The following NR2F2 variants were observed in gnomAD, a reference collection of about 807,000 sequenced individuals.
The protein encoded by NR2F2 is COUP transcription factor 2.
In NR2F2, 2 loss-of-function variants were observed where a neutral mutation model predicts 34.8. The observed-to-expected ratio is 0.06, with a 90% confidence interval of 0.02 to 0.18. The LOEUF is 0.18. NR2F2 is among the 10% of genes least tolerant of loss of function. The pLI, the probability that NR2F2 is intolerant of heterozygous loss-of-function variation, is 1.00. For missense variants in NR2F2, 300 were observed against 580.1 expected (o/e 0.52, Z 4.96); for synonymous variants, 274 against 251.8 (o/e 1.09, Z -0.84).
chr15:96,333,260 G>A, intron 1 of NR2F2: 1 of 846,304 alleles, frequency 1.2e-6, no homozygotes, highest in Non-Finnish European at 1.5e-6. Context: ...CCAATGGCGC[G>A]CTCGGCGCGG....
At position 96,331,269 on chromosome 15, in the gene NR2F2, G is replaced by T; in HGVS notation, c.-837G>T. 3 of 1,002,786 alleles carry T rather than the reference G, an allele frequency of 3.0e-6. No individual in the cohort carries two copies. Among genetic ancestry groups the T allele is most frequent in the Non-Finnish European group, 2.4e-6 (2 of 843,388 alleles). 62.1% of individuals were successfully genotyped at this position (1,002,786 alleles called of 1,614,324 possible). A position where few individuals can be genotyped will look rare whatever the true frequency, so the allele number is the denominator to read the frequency against. Reference sequence around the variant, plus strand: ...GCCGGAGAGAGCGAGGCGCGCGCCGGACGCCCGGGGCAGGCGGCGGCGGCG... The same window carrying T: ...GCCGGAGAGAGCGAGGCGCGCGCCGTACGCCCGGGGCAGGCGGCGGCGGCG... On this transcript the variant is annotated 5_prime_UTR_variant, in exon 1 of 3. Coordinates refer to ENST00000394166, the MANE Select transcript of NR2F2 (RefSeq NM_021005.4).
At position 96,332,131 on chromosome 15, in the gene NR2F2, G is replaced by C; in HGVS notation, c.26G>C (p.Arg9Pro). Residue 9 changes from arginine (R) to proline (P), a missense_variant, in exon 1 of 3, where the codon CGC becomes CCC. Transcript: ENST00000394166. ...ATGGCAATGGTAGTCAGCACGTGGC[G>C]CGACCCCCAGGACGAGGTGCCCGGC... The part of the protein sequence containing the change: MAMVVSTW[R>P]DPQDEVPGSQ... 7.4e-7 allele frequency: 1 copy of C among 1,357,452 alleles called. No individual in the cohort carries two copies. Among genetic ancestry groups the C allele is most frequent in the Non-Finnish European group, 9.5e-7 (1 of 1,054,860 alleles). The allele number at this position is 1,357,452 out of a possible 1,614,324, so 84.1% of individuals were successfully genotyped here.
chr15:96,332,575 C>G, intron 1 of NR2F2, 28 bp downstream of exon 1: 1 of 1,598,892 alleles, frequency 6.3e-7, no homozygotes. Context: ...CTCCTTCCCT[C>G]GTCCTGGGTC....
intron 2 of NR2F2, among the ~76,000 whole-genome samples, chr15:96,335,131 G>A (rs1378177901): frequency 1.3e-5 from 2 of 152,214 alleles, no homozygotes; most frequent in African/African-American, 4.8e-5. Flanking sequence ...ATTCTTACTG[G>A]AATAATGCAG....
At chr15:96,330,649 CA>C (rs1322523594), upstream of NR2F2, 1 of 157,246 alleles carries the variant, frequency 6.4e-6, no homozygotes, top group Non-Finnish European at 1.4e-5. Flanking sequence ...CGCTAAGTTG[CA>C]GCAGTCGTGT....
At chr15:96,335,234 ACT>A (rs1374506078) in intron 2 of NR2F2, among the ~76,000 whole-genome samples, 1 of 152,148 alleles carries the variant, frequency 6.6e-6, no homozygotes, top group Non-Finnish European at 1.5e-5. Flanking sequence ...GAGGTTGAAG[ACT>A]CTGGCCTCTT....
In NR2F2 at chr15:96,332,445, A is replaced by T; in HGVS notation, c.340A>T (p.Thr114Ser). Residue 114 changes from threonine to serine, a missense_variant, in exon 1 of 3, where the codon ACG (threonine) becomes TCG (serine). Physicochemically the swap from Thr to Ser is moderately conservative, Grantham distance 58 (BLOSUM62 1). This residue lies in a region of NR2F2 where 15 missense variants were observed against 17.1 expected (regional missense o/e 0.88). Transcript: ENST00000394166. ...KRSVRRNLSY[T>S]CRANRNCPID... is the part of the protein sequence containing the mutation. ...CAGCGTGCGGAGGAACCTGAGCTAC[A>T]CGTGCCGCGCCAACCGGAACTGTCC... 6.2e-7 allele frequency: 1 copy of T among 1,614,170 alleles called. No individual in the cohort carries two copies. Among genetic ancestry groups the T allele is most frequent in the Non-Finnish European group, 8.5e-7 (1 of 1,180,026 alleles).
chr15:96,331,972 G>T lies in NR2F2; in HGVS notation c.-134G>T. Reference sequence around the variant, plus strand: ...AACCAGCCCCCGAGCCACCCGGGGCGCCCTCCCGCGCCCTCTTGCACCCTC... The same window carrying T: ...AACCAGCCCCCGAGCCACCCGGGGCTCCCTCCCGCGCCCTCTTGCACCCTC... On this transcript the variant is annotated 5_prime_UTR_variant, in exon 1 of 3. Transcript: ENST00000394166. 8.3e-7 allele frequency: 1 copy of T among 1,206,062 alleles called. No individual in the cohort carries two copies. Among genetic ancestry groups the T allele is most frequent in the African/African-American group, 1.6e-5 (1 of 63,226 alleles). The allele number at this position is 1,206,062 out of a possible 1,614,324, so 74.7% of individuals were successfully genotyped here.
chr15:96,331,190 G>C lies in NR2F2; in HGVS notation c.-916G>C. On this transcript the variant is annotated 5_prime_UTR_variant, in exon 1 of 3. Transcript: ENST00000394166. ...GGCTCCGGCGGCAGCGGCGGCCCGGGCGGCCCGCAGGGAACGGCGAGCGGC... is the reference window on the plus strand; with the variant it reads ...GGCTCCGGCGGCAGCGGCGGCCCGGCCGGCCCGCAGGGAACGGCGAGCGGC... 2 of 971,902 alleles carry C rather than the reference G, an allele frequency of 2.1e-6. No individual in the cohort carries two copies. Among genetic ancestry groups the C allele is most frequent in the African/African-American group, 3.5e-5 (2 of 56,426 alleles). The allele number at this position is 971,902 out of a possible 1,614,324, so 60.2% of individuals were successfully genotyped here.
chr15:96,335,792 C>T (rs1386840706), intron 2 of NR2F2, among the ~76,000 whole-genome samples: 1 of 152,208 alleles, frequency 6.6e-6, no homozygotes, highest in East Asian at 1.9e-4. Context: ...ATTAGCTGAA[C>T]AGCTTGCAGC....
At chr15:96,330,190 C>G (rs988153411), upstream of NR2F2, among the ~76,000 whole-genome samples, 1 of 152,282 alleles carries the variant, frequency 6.6e-6, no homozygotes, top group African/African-American at 2.4e-5. Context: ...CGCCAGGAGT[C>G]CCGGGTGGTG....
upstream of NR2F2, among the ~76,000 whole-genome samples, chr15:96,329,031 C>T (rs1391987392): frequency 4.6e-5 from 7 of 151,818 alleles, no homozygotes; most frequent in Non-Finnish European, 5.9e-5. Context: ...ATATCTTTAC[C>T]CTGTCAATTT....
In NR2F2 at chr15:96,331,090, C is replaced by T. The variant is rs1899126008; in HGVS notation, c.-1016C>T. 2 of 1,225,926 alleles carry T rather than the reference C, an allele frequency of 1.6e-6. No individual in the cohort carries two copies. Among genetic ancestry groups the T allele is most frequent in the Non-Finnish European group, 2.0e-6 (2 of 985,738 alleles). 75.9% of individuals were successfully genotyped at this position (1,225,926 alleles called of 1,614,324 possible). On this transcript the variant is annotated 5_prime_UTR_variant, in exon 1 of 3. Transcript: ENST00000394166. ...GCAGCGGCTCCGGCGGCGGCAGCAG[C>T]GGCAGCAGCGACTTCAGCGGCGGCG...
intron 1 of NR2F2, chr15:96,333,364 G>C: frequency 2.0e-6 from 2 of 1,001,912 alleles, no homozygotes; most frequent in Non-Finnish European, 2.4e-6. Flanking sequence ...TAACAGCCTG[G>C]GCCCGAGCCT....
chr15:96,332,336 C>T lies in NR2F2; in HGVS notation c.231C>T (p.Ile77=). 6.2e-7 allele frequency: 1 copy of T among 1,604,566 alleles called. No homozygotes were observed. The highest frequency in any genetic ancestry group is 1.1e-5 in the South Asian group (1 of 89,680). ...ACAAGCAGCAGCAGCAGCAACACAT[C>T]GAGTGCGTGGTGTGCGGAGACAAGT... The part of the protein sequence containing the change: ...GSDKQQQQQH[I]ECVVCGDKSS... Residue 77 remains isoleucine (I), a synonymous_variant, in exon 1 of 3, where the codon ATC becomes ATT. Transcript: ENST00000394166.
chr15:96,331,046 G>GGCGGCGGCAGCAGCAGCA lies in NR2F2; in HGVS notation c.-1057_-1040dup, dbSNP rs1899122340. 1.6e-6 allele frequency: 2 copies of GGCGGCGGCAGCAGCAGCA among 1,241,774 alleles called. No individual in the cohort carries two copies. The highest frequency in any genetic ancestry group is 2.0e-6 in the Non-Finnish European group (2 of 997,048). The allele number at this position is 1,241,774 out of a possible 1,614,324, so 76.9% of individuals were successfully genotyped here. A position where few individuals can be genotyped will look rare whatever the true frequency, so the allele number is the denominator to read the frequency against. On this transcript the variant is annotated 5_prime_UTR_variant, in exon 1 of 3. Transcript: ENST00000394166. ...GACTCTTTCCCTATGTGTGTGAGGCGGCGGCGGCAGCAGCAGCAGCAGCGG... is the reference window on the plus strand; with the variant it reads ...GACTCTTTCCCTATGTGTGTGAGGCGGCGGCGGCAGCAGCAGCAGCGGCGGCAGCAGCAGCAGCAGCGG...
upstream of NR2F2, among the ~76,000 whole-genome samples, chr15:96,328,011 C>T (rs1428011930): frequency 2.0e-5 from 3 of 152,174 alleles, no homozygotes; most frequent in East Asian, 1.9e-4. Context: ...TAACCTTAGA[C>T]GCACAGCAAG....
intron 1 of NR2F2, 42 bp from the exon 2 acceptor site, chr15:96,334,034 G>A (rs201516693): frequency 1.8e-5 from 29 of 1,583,296 alleles, no homozygotes; most frequent in Middle Eastern, 3.4e-4. Flanking sequence ...TGGGGACTGA[G>A]GCTGGTCATT....
At chr15:96,336,162 A>G (rs1165939050) in intron 2 of NR2F2, among the ~76,000 whole-genome samples, 6 of 152,118 alleles carry the variant, frequency 3.9e-5, no homozygotes, top group Admixed American at 3.9e-4. Flanking sequence ...AGGAAAAAAA[A>G]ATGCCTGATA....
Sources: allele counts gnomAD v4.1 joint callset (sites outside exome capture counted in the v4.1 genomes callset), GRCh38; gene constraint gnomAD v4.1.1; regional missense constraint gnomAD v4.1.1; transcripts MANE v1.5; gene names NCBI Gene and HGNC (gene_info 2026-07-23, HGNC 2026-07-21).